DPYSL3: variants seen among roughly 807,000 people sequenced by gnomAD.
DPYSL3 encodes dihydropyrimidinase like 3, also known as dihydropyrimidinase-related protein 3.
In DPYSL3, 16 loss-of-function variants were observed where a neutral mutation model predicts 66.1. That is an observed-to-expected ratio of 0.24 (90% CI 0.16 to 0.37). The LOEUF (loss-of-function observed/expected upper bound fraction) is 0.37. Ranked by LOEUF, DPYSL3 falls within the 10% of genes least tolerant of loss-of-function variation. DPYSL3 has a pLI of 1.00. For missense variants in DPYSL3, 738 were observed against 916.2 expected (o/e 0.81, Z 2.51); for synonymous variants, 338 against 345.1 (o/e 0.98, Z 0.23).
chr5:147,477,176 T>C (rs1020257863), intron 1 of DPYSL3, among the ~76,000 whole-genome samples: 5 of 151,968 alleles, frequency 3.3e-5, no homozygotes, highest in Non-Finnish European at 7.4e-5. Context: ...AAACAGAAAA[T>C]GCAGATTTAA....
intron 1 of DPYSL3, among the ~76,000 whole-genome samples, chr5:147,431,540 G>A (rs906788200): frequency 4.5e-4 from 68 of 152,006 alleles, no homozygotes; most frequent in African/African-American, 1.4e-3. Context: ...CAATATGTGT[G>A]AGCTACCATC....
chr5:147,402,368 G>GTCACCCAATAACCTAGGAC (rs1455917207), intron 8 of DPYSL3, among the ~76,000 whole-genome samples: 5 of 122,816 alleles, frequency 4.1e-5, no homozygotes, highest in African/African-American at 2.0e-4. Flanking sequence ...TTTTTTTTGA[G>GTCACCCAATAACCTAGGAC]ACGGAGTCTC....
rs375267186 is a variant in DPYSL3, at chr5:147,447,239, G to C, written c.382-22276C>G. On this transcript the variant is annotated intron_variant, in intron 1 of 13. Transcript: ENST00000343218. ...CCTACAATCTAATTAACAGAAGAAAGTTCCTCAAGAAAAGTAGTTTTTATA... is the reference window on the plus strand; with the variant it reads ...CCTACAATCTAATTAACAGAAGAAACTTCCTCAAGAAAAGTAGTTTTTATA... 3.9e-5 allele frequency among the ~76,000 whole-genome samples: 6 copies of C among 152,184 alleles called. No homozygotes were observed. In the East Asian group the frequency reaches 1.2e-3, roughly 29 times the overall value.
intron 1 of DPYSL3, among the ~76,000 whole-genome samples, chr5:147,490,389 C>T (rs1027051739): frequency 6.6e-6 from 1 of 152,032 alleles, no homozygotes; most frequent in Non-Finnish European, 1.5e-5. Flanking sequence ...TATAAAACCA[C>T]AACTGAAAAT....
chr5:147,508,123 C>T (rs1032911815), intron 1 of DPYSL3, among the ~76,000 whole-genome samples: 1 of 152,150 alleles, frequency 6.6e-6, no homozygotes, highest in Non-Finnish European at 1.5e-5. Context: ...AGGGGAATCA[C>T]GCACTAAAAG....
At chr5:147,453,742 G>A (rs1166774954) in intron 1 of DPYSL3, 3 of 1,312,886 alleles carry the variant, frequency 2.3e-6, no homozygotes, top group Non-Finnish European at 2.9e-6. Context: ...CCCCTCCCGG[G>A]CTCCCGCGGC....
intron 1 of DPYSL3, among the ~76,000 whole-genome samples, chr5:147,496,185 T>C (rs1405425910): frequency 5.9e-5 from 9 of 152,182 alleles, no homozygotes; most frequent in Admixed American, 5.9e-4. Context: ...CTGGGAAAAC[T>C]GGCTAGCCAT....
intron 1 of DPYSL3, among the ~76,000 whole-genome samples, chr5:147,488,737 A>C (rs1753372543): frequency 6.6e-6 from 1 of 152,062 alleles, no homozygotes; most frequent in African/African-American, 2.4e-5. Context: ...TATATTGGCC[A>C]GGAGCAGTGG....
chr5:147,433,595 G>A (rs1752354927), intron 1 of DPYSL3, among the ~76,000 whole-genome samples: 1 of 152,174 alleles, frequency 6.6e-6, no homozygotes, highest in African/African-American at 2.4e-5. Flanking sequence ...CTAACTTGAT[G>A]CTTCTTTGTG....
intron 9 of DPYSL3, among the ~76,000 whole-genome samples, chr5:147,401,185 T>C (rs1306038848): frequency 6.6e-6 from 1 of 152,220 alleles, no homozygotes; most frequent in Non-Finnish European, 1.5e-5. Flanking sequence ...AGGCAAATGA[T>C]TTAGCTTCTC....
chr5:147,432,916 C>G (rs961082124), intron 1 of DPYSL3, among the ~76,000 whole-genome samples: 13 of 152,108 alleles, frequency 8.5e-5, no homozygotes, highest in Admixed American at 8.5e-4. Flanking sequence ...CTGCTGCCTT[C>G]GAGAGGGCTC....
At chr5:147,398,858 A>G (rs539883411) in intron 11 of DPYSL3, among the ~76,000 whole-genome samples, 2 of 152,318 alleles carry the variant, frequency 1.3e-5, no homozygotes, top group African/African-American at 4.8e-5. Flanking sequence ...GGAAGCCTCT[A>G]TTGGCCTCTG....
intron 1 of DPYSL3, among the ~76,000 whole-genome samples, chr5:147,505,261 GTC>G (rs1187700259): frequency 6.6e-6 from 1 of 151,744 alleles, no homozygotes; most frequent in Non-Finnish European, 1.5e-5. Context: ...TTGAGACGGA[GTC>G]TCACTGTGTT....
Position 147,412,286 on chromosome 5 carries a change from A to T in DPYSL3, c.963+322T>A, listed in dbSNP as rs1442056307. Among the ~76,000 whole-genome samples the T allele has an allele frequency of 2.6e-5, 4 of 152,208 alleles. No individual in the cohort carries two copies. In the East Asian group the frequency reaches 7.7e-4, roughly 29 times the overall value. On this transcript the variant is annotated intron_variant, in intron 6 of 13. Coordinates refer to ENST00000343218, the MANE Select transcript of DPYSL3 (RefSeq NM_001197294.2). ...ACAGAGAATGTCTTGTAGCTTTGAC[A>T]CATTTTCAGAAGAGAATCAGCAAAT...
intron 11 of DPYSL3, 102 bp from the exon 12 acceptor site, chr5:147,397,947 G>T (rs575877478): frequency 5.3e-5 from 66 of 1,250,796 alleles, no homozygotes; most frequent in Non-Finnish European, 6.8e-5. Context: ...TGATTCACCA[G>T]GTAAGCCAGG....
intron 3 of DPYSL3, among the ~76,000 whole-genome samples, chr5:147,418,031 C>T (rs190980429): frequency 6.6e-6 from 1 of 152,314 alleles, no homozygotes; most frequent in African/African-American, 2.4e-5. Flanking sequence ...TCCCTCTCTC[C>T]GTGATACTCC....
At chr5:147,398,424 T>C (rs1758061772) in intron 11 of DPYSL3, among the ~76,000 whole-genome samples, 1 of 152,344 alleles carries the variant, frequency 6.6e-6, no homozygotes, top group African/African-American at 2.4e-5. Flanking sequence ...GTACCTCCAA[T>C]TTTTAATCTA....
In DPYSL3 at chr5:147,510,067, G is replaced by A. The variant is rs936894018; in HGVS notation, c.-209C>T. 18 of 766,144 alleles carry A rather than the reference G, an allele frequency of 2.3e-5. No homozygotes were observed. The highest frequency in any genetic ancestry group is 3.3e-5 in the Non-Finnish European group (17 of 514,906). 47.5% of individuals were successfully genotyped at this position (766,144 alleles called of 1,614,324 possible). On this transcript the variant is annotated 5_prime_UTR_variant, in exon 1 of 14. Coordinates refer to ENST00000343218, the MANE Select transcript of DPYSL3 (RefSeq NM_001197294.2). The stretch of plus-strand genomic sequence containing the variant: ...CTAGCGCGCGGAGCAGGGGCCCAGA[G>A]TAGCGCCGCGCTTGGCTCACTCGCT...
chr5:147,488,951 G>T (rs1469772824), intron 1 of DPYSL3, among the ~76,000 whole-genome samples: 1 of 151,394 alleles, frequency 6.6e-6, no homozygotes, highest in Non-Finnish European at 1.5e-5. Context: ...GGAGGGGGAC[G>T]TTGCACTGAG....
Sources: allele counts gnomAD v4.1 joint callset (sites outside exome capture counted in the v4.1 genomes callset), GRCh38; gene constraint gnomAD v4.1.1; transcripts MANE v1.5; gene names NCBI Gene and HGNC (gene_info 2026-07-23, HGNC 2026-07-21).